Variants in TXNDC16 observed in about 807,000 individuals in gnomAD.
TXNDC16 encodes thioredoxin domain containing 16.
In TXNDC16, 74 loss-of-function variants were observed where a neutral mutation model predicts 85.6. That is an observed-to-expected ratio of 0.86 (90% CI 0.72 to 1.05). The LOEUF is 1.05. Among genes scored for constraint, TXNDC16 ranks in the 50% least tolerant of loss-of-function variants. The pLI is 0.00. For synonymous variants in TXNDC16, 335 were observed against 326.5 expected (o/e 1.03, Z -0.28); for missense variants, 959 against 947.0 (o/e 1.01, Z -0.17).
intron 9 of TXNDC16, among the ~76,000 whole-genome samples, chr14:52,504,552 A>T (rs1252851343): frequency 1.3e-5 from 2 of 152,208 alleles, no homozygotes; most frequent in Admixed American, 6.5e-5. Flanking sequence ...GCCTGCCCTA[A>T]AAGAGCTCCT....
chr14:52,467,251 A>G (rs2035798841), intron 16 of TXNDC16, among the ~76,000 whole-genome samples: 1 of 152,148 alleles, frequency 6.6e-6, no homozygotes, highest in Non-Finnish European at 1.5e-5. Flanking sequence ...CCATGCACTA[A>G]AATATCTAAA....
intron 6 of TXNDC16, among the ~76,000 whole-genome samples, chr14:52,519,857 C>T (rs2037169158): frequency 6.6e-6 from 1 of 152,148 alleles, no homozygotes; most frequent in Non-Finnish European, 1.5e-5. Flanking sequence ...CTCTGTTGGT[C>T]CTGTGTAAGT....
intron 6 of TXNDC16, among the ~76,000 whole-genome samples, chr14:52,529,883 A>G (rs1215240709): frequency 9.7e-6 from 1 of 103,550 alleles, no homozygotes; most frequent in South Asian, 2.9e-4. Context: ...TATTATATAT[A>G]TGAATTATAT....
At chr14:52,453,127 A>G (rs181095833) in intron 18 of TXNDC16, among the ~76,000 whole-genome samples, 1 of 152,278 alleles carries the variant, frequency 6.6e-6, no homozygotes, top group East Asian at 1.9e-4. Context: ...CAAAACTACA[A>G]TTAGGTATTA....
chr14:52,531,823 A>G (rs1163184106), intron 6 of TXNDC16, among the ~76,000 whole-genome samples: 1 of 152,208 alleles, frequency 6.6e-6, no homozygotes, highest in Non-Finnish European at 1.5e-5. Context: ...ATATGTCAAT[A>G]TTGGTTCATC....
intron 16 of TXNDC16, among the ~76,000 whole-genome samples, chr14:52,469,665 C>T (rs2035857108): frequency 6.6e-6 from 1 of 152,064 alleles, no homozygotes; most frequent in Admixed American, 6.6e-5. Context: ...ATCACTTGAA[C>T]CCAGGAGGCA....
intron 1 of TXNDC16, among the ~76,000 whole-genome samples, chr14:52,546,702 T>C (rs753469044): frequency 3.3e-5 from 5 of 152,238 alleles, no homozygotes; most frequent in East Asian, 1.9e-4. Flanking sequence ...ATAAACCTTG[T>C]TGTTTTAAGT....
chr14:52,513,664 G>GTA (rs34609354), intron 8 of TXNDC16, among the ~76,000 whole-genome samples: 12,895 of 148,018 alleles, frequency 0.087, 593 homozygotes, highest in East Asian at 0.14. Context: ...GTGTGTGTGT[G>GTA]TATATACATA....
chr14:52,438,234 G>C (rs1229970854), intron 20 of TXNDC16, among the ~76,000 whole-genome samples: 1 of 152,202 alleles, frequency 6.6e-6, no homozygotes, highest in Non-Finnish European at 1.5e-5. Flanking sequence ...TCAAAGGATT[G>C]ATTCCAATTT....
At chr14:52,493,070 G>A (rs1439647749) in intron 9 of TXNDC16, among the ~76,000 whole-genome samples, 2 of 151,652 alleles carry the variant, frequency 1.3e-5, no homozygotes, top group Non-Finnish European at 2.9e-5. Context: ...GAGGTCAGGA[G>A]TTCAAGACCA....
chr14:52,503,663 G>A (rs1031321431), intron 9 of TXNDC16, among the ~76,000 whole-genome samples: 4 of 152,056 alleles, frequency 2.6e-5, no homozygotes, highest in Non-Finnish European at 5.9e-5. Flanking sequence ...TAAAAATCAG[G>A]GCACCTCTAC....
chr14:52,488,831 G>GAAAAAAAAA (rs199871075), intron 11 of TXNDC16, among the ~76,000 whole-genome samples: 1,065 of 89,660 alleles, frequency 0.012, 45 homozygotes, highest in African/African-American at 0.033. Context: ...GAGACTCTGG[G>GAAAAAAAAA]AAAAAAAAAA....
chr14:52,439,324 C>G lies in TXNDC16; in HGVS notation c.2074G>C (p.Val692Leu), dbSNP rs61740050. ...FDPLPPLPLL[V>L]LVNLHSGGQV... ...CCACCTGAATGCAGATTCACCAAAA[C>G]AAGAAGAGGAAGGGGAGGCAGAGGA... Residue 692 changes from valine to leucine, a missense_variant, in exon 20 of 21, where the codon GTT becomes CTT. Coordinates refer to ENST00000281741, the MANE Select transcript of TXNDC16 (RefSeq NM_020784.3). 2 of 1,614,004 alleles carry G rather than the reference C, an allele frequency of 1.2e-6. No individual in the cohort carries two copies. Among genetic ancestry groups the G allele is most frequent in the South Asian group, 2.2e-5 (2 of 91,074 alleles).
At chr14:52,494,366 C>G (rs2036483979) in intron 9 of TXNDC16, among the ~76,000 whole-genome samples, 1 of 152,080 alleles carries the variant, frequency 6.6e-6, no homozygotes, top group Non-Finnish European at 1.5e-5. Flanking sequence ...GAGCAAGCTG[C>G]AATGTTGTGA....
At chr14:52,520,563 T>C (rs1015764308) in intron 6 of TXNDC16, among the ~76,000 whole-genome samples, 1 of 152,114 alleles carries the variant, frequency 6.6e-6, no homozygotes, top group Non-Finnish European at 1.5e-5. Context: ...TGAGCTGAGA[T>C]CACGCCACTG....
At chr14:52,475,128 C>A (rs191806012) in intron 14 of TXNDC16, among the ~76,000 whole-genome samples, 1 of 152,112 alleles carries the variant, frequency 6.6e-6, no homozygotes, top group Non-Finnish European at 1.5e-5. Flanking sequence ...TGAGCGAAAG[C>A]GAAATACACG....
intron 6 of TXNDC16, among the ~76,000 whole-genome samples, chr14:52,522,224 G>T (rs1014482544): frequency 2.0e-5 from 3 of 152,162 alleles, no homozygotes; most frequent in Non-Finnish European, 2.9e-5. Flanking sequence ...AATTAAGTCT[G>T]AGTATACAAC....
intron 6 of TXNDC16, among the ~76,000 whole-genome samples, chr14:52,528,165 T>C (rs1482379272): frequency 6.6e-6 from 1 of 152,150 alleles, no homozygotes; most frequent in African/African-American, 2.4e-5. Context: ...AAAACAATGA[T>C]CTTTTCTGCT....
At chr14:52,461,980 C>T (rs766779639) in intron 16 of TXNDC16, among the ~76,000 whole-genome samples, 1 of 152,186 alleles carries the variant, frequency 6.6e-6, no homozygotes, top group African/African-American at 2.4e-5. Flanking sequence ...CCTGTCTGAC[C>T]AGTAGATCCA....
Sources: allele counts gnomAD v4.1 joint callset (sites outside exome capture counted in the v4.1 genomes callset), GRCh38; gene constraint gnomAD v4.1.1; transcripts MANE v1.5; gene names NCBI Gene and HGNC (gene_info 2026-07-23, HGNC 2026-07-21).